OPTN: variants seen among roughly 807,000 people sequenced by gnomAD.
OPTN encodes E3-14.7K-interacting protein.
OPTN carries 54 observed loss-of-function variants against 70.4 expected under a neutral mutation model. The ratio of observed to expected loss-of-function variants is 0.77; its 90% CI spans 0.62 to 0.96. The LOEUF (loss-of-function observed/expected upper bound fraction) is 0.96. Among genes scored for constraint, OPTN ranks in the 40% least tolerant of loss-of-function variants. The probability of loss-of-function intolerance (pLI) is 0.00; values close to 1 mark genes in which losing one functional copy is unlikely to be tolerated. For missense variants in OPTN, 624 were observed against 673.2 expected (o/e 0.93, Z 0.81); for synonymous variants, 256 against 248.5 (o/e 1.03, Z -0.28).
In OPTN at chr10:13,137,798, C is replaced by A. The variant is rs934855361; in HGVS notation, c.*932C>A. On this transcript the variant is annotated 3_prime_UTR_variant, in exon 15 of 15. Transcript: ENST00000378747. ...CGATAACATTGGCCTCATTGGATTT[C>A]TTTACCCATTCACAGTGTAAAGAAG... 8.8e-6 allele frequency: 2 copies of A among 227,806 alleles called. No homozygotes were observed. The highest frequency in any genetic ancestry group is 1.7e-5 in the Non-Finnish European group (2 of 114,796). 14.1% of individuals were successfully genotyped at this position (227,806 alleles called of 1,614,324 possible).
At chr10:13,135,094 C>T (rs1833671594) in intron 14 of OPTN, among the ~76,000 whole-genome samples, 1 of 152,208 alleles carries the variant, frequency 6.6e-6, no homozygotes, top group South Asian at 2.1e-4. Flanking sequence ...CATGTTACTA[C>T]ATCCAAGTAA....
At chr10:13,110,183 C>CATGT in intron 3 of OPTN, 91 bp from the exon 4 acceptor site, 3 of 1,568,086 alleles carry the variant, frequency 1.9e-6, no homozygotes, top group Non-Finnish European at 2.6e-6. Context: ...AATTCAGAGC[C>CATGT]ATGTGGTCAA....
chr10:13,137,161 C>T lies in OPTN; in HGVS notation c.*295C>T, dbSNP rs192180901. Reference sequence around the variant, plus strand: ...GAGCATGGTGGCGCATGCCTGTAGTCGCAGCTACTCGCGAGGTTGAGGCAG... The same window carrying T: ...GAGCATGGTGGCGCATGCCTGTAGTTGCAGCTACTCGCGAGGTTGAGGCAG... On this transcript the variant is annotated 3_prime_UTR_variant, in exon 15 of 15. Transcript: ENST00000378747. 9 of 437,584 alleles carry T rather than the reference C, an allele frequency of 2.1e-5. No individual in the cohort carries two copies. Among genetic ancestry groups the T allele is most frequent in the East Asian group, 1.7e-4 (4 of 24,022 alleles). The allele number at this position is 437,584 out of a possible 1,614,324, so 27.1% of individuals were successfully genotyped here. A position where few individuals can be genotyped will look rare whatever the true frequency, so the allele number is the denominator to read the frequency against.
chr10:13,108,929 T>C, intron 2 of OPTN, 183 bp from the exon 3 acceptor site: 1 of 631,948 alleles, frequency 1.6e-6, no homozygotes, highest in South Asian at 1.7e-5. Flanking sequence ...CACACACTTT[T>C]CTGAAGCTAC....
chr10:13,115,246 T>A (rs375309307), intron 5 of OPTN, among the ~76,000 whole-genome samples: 1 of 5,074 alleles, frequency 2.0e-4, no homozygotes, highest in Non-Finnish European at 4.1e-4. Flanking sequence ...TCTATATATA[T>A]CTATATTTAT....
At chr10:13,108,986 T>TA (rs1832932702) in intron 2 of OPTN, 126 bp from the exon 3 acceptor site, 1 of 835,310 alleles carries the variant, frequency 1.2e-6, no homozygotes, top group East Asian at 2.4e-5. Context: ...GTCCAAAATG[T>TA]AACTGGAGAG....
intron 13 of OPTN, among the ~76,000 whole-genome samples, chr10:13,132,937 G>A (rs1291781780): frequency 1.3e-5 from 2 of 152,050 alleles, no homozygotes; most frequent in African/African-American, 2.4e-5. Flanking sequence ...AAAGGAAAAA[G>A]GGAGTTGTAG....
Position 13,110,214 on chromosome 10 carries a change from G to A in OPTN, c.167-60G>A, listed in dbSNP as rs1832965608. 3.1e-6 allele frequency: 5 copies of A among 1,596,122 alleles called. No homozygotes were observed. The Admixed American group carries it at 7.0e-5, about 22-fold the overall frequency. On this transcript the variant is annotated intron_variant, in intron 3 of 14. Coordinates refer to ENST00000378747, the MANE Select transcript of OPTN (RefSeq NM_001008212.2). ...GTCAAGTGGACTAGAGGGAGATTTG[G>A]TTCATCAGATCAAGTCCACTTTCCT...
intron 1 of OPTN, among the ~76,000 whole-genome samples, chr10:13,105,900 CTCTG>C (rs1027734003): frequency 4.7e-5 from 7 of 149,442 alleles, no homozygotes; most frequent in African/African-American, 1.7e-4. Flanking sequence ...CAAAGTGAGA[CTCTG>C]TCTGAAAAAA....
At chr10:13,120,052 G>T (rs1176522121) in intron 7 of OPTN, among the ~76,000 whole-genome samples, 1 of 146,528 alleles carries the variant, frequency 6.8e-6, no homozygotes, top group African/African-American at 2.6e-5. Context: ...GCGCAATCTC[G>T]GCTCACTGCA....
chr10:13,133,494 C>T lies in OPTN; in HGVS notation c.1533-8C>T, dbSNP rs1833635006. On this transcript the variant is annotated splice_polypyrimidine_tract_variant and splice_region_variant and intron_variant, in intron 13 of 14. Coordinates refer to ENST00000378747, the MANE Select transcript of OPTN (RefSeq NM_001008212.2). ...CATCACACAGCGTGTTGCTTTTCGT[C>T]CTGGCAGGCAGTCCTTGATGGAGAT... The T allele has an allele frequency of 6.2e-7, 1 of 1,613,704 alleles. No individual in the cohort carries two copies. Among genetic ancestry groups the T allele is most frequent in the African/African-American group, 1.3e-5 (1 of 74,892 alleles).
intron 4 of OPTN, among the ~76,000 whole-genome samples, chr10:13,110,978 A>G (rs1336804423): frequency 6.6e-6 from 1 of 152,226 alleles, no homozygotes; most frequent in Non-Finnish European, 1.5e-5. Context: ...CCACAGATGA[A>G]AAGAGAAAGA....
intron 1 of OPTN, chr10:13,104,653 C>T (rs527764516): frequency 3.2e-5 from 22 of 690,782 alleles, no homozygotes; most frequent in Admixed American, 2.5e-4. Flanking sequence ...GCCCACTAGT[C>T]GCCATCTCCA....
rs1175541399 is a variant in OPTN, at chr10:13,136,838, A to G, written c.1706A>G (p.Gln569Arg). The change falls in exon 15 of 15, where the codon CAG (glutamine) becomes CGG (arginine). Residue 569 changes from glutamine (Q) to arginine (R), a missense_variant. Transcript: ENST00000378747. The stretch of plus-strand genomic sequence containing the variant: ...GTTCTGCCTGACATAGACACGTTAC[A>G]GATTCACGTGATGGATTGCATCATT... Reference protein sequence around the residue: ...GEVLPDIDTLQIHVMDCII With the variant: ...GEVLPDIDTLRIHVMDCII 3 of 1,614,076 alleles carry G rather than the reference A, an allele frequency of 1.9e-6. No homozygotes were observed. The highest frequency in any genetic ancestry group is 2.5e-6 in the Non-Finnish European group (3 of 1,180,042).
At chr10:13,107,683 A>G (rs1832898271) in intron 1 of OPTN, among the ~76,000 whole-genome samples, 2 of 152,120 alleles carry the variant, frequency 1.3e-5, no homozygotes, top group East Asian at 1.9e-4. Context: ...GCCCGGCTCA[A>G]AAACAATCTT....
Position 13,118,923 on chromosome 10 carries a change from G to T in OPTN, c.662G>T (p.Gly221Val). 1 of 1,614,076 alleles carries T rather than the reference G, an allele frequency of 6.2e-7. No individual in the cohort carries two copies. The highest frequency in any genetic ancestry group is 1.1e-5 in the South Asian group (1 of 91,082). ...AAATATAGGAGCAGATCTGCAGATG[G>T]GGCCAAGAATTACTTCGAACATGAG... ...LSKYRSRSAD[G>V]AKNYFEHEEL... The change falls in exon 7 of 15, where the codon GGG becomes GTG. Residue 221 changes from glycine to valine, a missense_variant. Coordinates refer to ENST00000378747, the MANE Select transcript of OPTN (RefSeq NM_001008212.2).
intron 10 of OPTN, 74 bp downstream of exon 10, chr10:13,125,641 C>T (rs888970975): frequency 3.3e-5 from 51 of 1,565,276 alleles, no homozygotes; most frequent in South Asian, 1.5e-4. Context: ...GATTGGAATT[C>T]GGATTTGAGA....
At chr10:13,118,865 C>A (rs1384719842) in intron 6 of OPTN, 23 bp from the exon 7 acceptor site, 1 of 1,612,330 alleles carries the variant, frequency 6.2e-7, no homozygotes, top group Non-Finnish European at 8.5e-7. Flanking sequence ...TGATGAAAAC[C>A]TTTTAACCTT....
chr10:13,104,235 G>A (rs1832809549), intron 1 of OPTN, among the ~76,000 whole-genome samples: 1 of 145,532 alleles, frequency 6.9e-6, no homozygotes, highest in Admixed American at 7.0e-5. Flanking sequence ...TCCAAAATCA[G>A]TTAAATTAGT....
Sources: gnomAD v4.1 joint callset for allele counts (sites outside exome capture counted in the v4.1 genomes callset) on GRCh38, gnomAD v4.1.1 for gene constraint, MANE v1.5 for transcripts, NCBI Gene and HGNC (gene_info 2026-07-23, HGNC 2026-07-21) for gene names.